ZNRF3: variants seen among roughly 807,000 people sequenced by gnomAD.
ZNRF3 encodes zinc and ring finger 3.
ZNRF3 carries 23 observed loss-of-function variants against 72.5 expected under a neutral mutation model. The ratio of observed to expected loss-of-function variants is 0.32; its 90% CI spans 0.23 to 0.45. The LOEUF is 0.45. ZNRF3 is among the 20% of genes least tolerant of loss of function. The pLI is 1.00. For synonymous variants in ZNRF3, 610 were observed against 545.3 expected, an observed-to-expected ratio of 1.12 and a Z score of -1.65; for missense variants, 1,169 against 1,272.1, an observed-to-expected ratio of 0.92 and a Z score of 1.23.
intron 1 of ZNRF3, among the ~76,000 whole-genome samples, chr22:28,895,215 AGC>A (rs1737734737): frequency 1.3e-5 from 2 of 152,226 alleles, no homozygotes; most frequent in Non-Finnish European, 2.9e-5. Flanking sequence ...AGGAAGGCCC[AGC>A]TACCCTTGAT....
chr22:29,021,319 C>T (rs184360849), intron 2 of ZNRF3, among the ~76,000 whole-genome samples: 10 of 152,136 alleles, frequency 6.6e-5, no homozygotes, highest in Admixed American at 4.6e-4. Context: ...TTATGTTGCT[C>T]GATCTGCATA....
chr22:28,910,689 A>G (rs955818902), intron 1 of ZNRF3, among the ~76,000 whole-genome samples: 1 of 152,226 alleles, frequency 6.6e-6, no homozygotes, highest in Non-Finnish European at 1.5e-5. Flanking sequence ...TGGGAAAGTC[A>G]GATGTGTCCC....
rs1376464189 is a variant in ZNRF3, at chr22:28,944,959, A to AAATAAATAAAT, written c.301-42112_301-42111insATAAATAATAA. Reference sequence around the variant, plus strand: ...TAAATAAATAAATAAATAAATAAATAAATAATAATAATACTCATACTCCTT... The same window carrying AAATAAATAAAT: ...TAAATAAATAAATAAATAAATAAATAAATAAATAAATAATAATAATAATACTCATACTCCTT... On this transcript the variant is annotated intron_variant, in intron 1 of 8. Transcript: ENST00000544604. Among the ~76,000 whole-genome samples, 225 of 132,988 alleles carry AAATAAATAAAT rather than the reference A, an allele frequency of 1.7e-3. 1 individual carries two copies. The highest frequency in any genetic ancestry group is 2.9e-3 in the Non-Finnish European group (169 of 58,952). The allele number at this position is 132,988 out of a possible 152,430, so 87.2% of individuals were successfully genotyped here. A position where few individuals can be genotyped will look rare whatever the true frequency, so the allele number is the denominator to read the frequency against.
chr22:28,906,784 GATTTTT>G (rs2034215931), intron 1 of ZNRF3, among the ~76,000 whole-genome samples: 1 of 152,106 alleles, frequency 6.6e-6, no homozygotes, highest in South Asian at 2.1e-4. Flanking sequence ...CACTGGCTTG[GATTTTT>G]ATTTTCTTTC....
intron 1 of ZNRF3, among the ~76,000 whole-genome samples, chr22:28,893,654 C>T (rs933036619): frequency 2.6e-4 from 39 of 152,230 alleles, no homozygotes; most frequent in East Asian, 1.9e-4. Flanking sequence ...CACATCACCA[C>T]ATCCAGCTAA....
intron 1 of ZNRF3, among the ~76,000 whole-genome samples, chr22:28,952,063 C>T (rs1165979472): frequency 6.6e-6 from 1 of 152,214 alleles, no homozygotes; most frequent in Non-Finnish European, 1.5e-5. Flanking sequence ...TCCATGGGAC[C>T]CTCCTGCGGG....
chr22:29,018,074 TGGGAG>T (rs1427604927), intron 2 of ZNRF3: 6 of 518,174 alleles, frequency 1.2e-5, no homozygotes, highest in Non-Finnish European at 2.3e-5. Flanking sequence ...GCAGATAGTG[TGGGAG>T]GGGAGGGCGG....
chr22:28,927,114 A>G (rs1352597868), intron 1 of ZNRF3, among the ~76,000 whole-genome samples: 2 of 152,172 alleles, frequency 1.3e-5, no homozygotes, highest in African/African-American at 4.8e-5. Flanking sequence ...TCAAAAAAAA[A>G]AAAAAGTGAA....
chr22:28,999,449 C>G (rs1246069335), intron 2 of ZNRF3, among the ~76,000 whole-genome samples: 1 of 152,172 alleles, frequency 6.6e-6, no homozygotes. Context: ...GTACTCTAGT[C>G]TGGGTGATAG....
At chr22:29,040,408 T>A (rs1210986492) in intron 2 of ZNRF3, among the ~76,000 whole-genome samples, 2 of 152,124 alleles carry the variant, frequency 1.3e-5, no homozygotes, top group Admixed American at 6.5e-5. Context: ...CTGGAACTCC[T>A]GACCTCAGGT....
At chr22:29,016,033 A>AC (rs1450244365) in intron 2 of ZNRF3, among the ~76,000 whole-genome samples, 5 of 149,324 alleles carry the variant, frequency 3.3e-5, no homozygotes, top group African/African-American at 7.6e-5. Context: ...AAAAAAACAA[A>AC]AAAACTGAAA....
At chr22:28,908,403 A>T (rs1263541564) in intron 1 of ZNRF3, among the ~76,000 whole-genome samples, 1 of 152,116 alleles carries the variant, frequency 6.6e-6, no homozygotes, top group Non-Finnish European at 1.5e-5. Flanking sequence ...ATCTAGAAAC[A>T]CATCTTGAAC....
chr22:29,049,768 C>G lies in ZNRF3; in HGVS notation c.1587C>G (p.Phe529Leu). ...TGGAGAGCGGCAGCACGTCCAGCTT[C>G]AGCTGCTATCACGGCCACCGCTCGG... ...SHLESGSTSS[F>L]SCYHGHRSVC... Residue 529 changes from phenylalanine to leucine, a missense_variant, in exon 8 of 9, where the codon TTC (phenylalanine) becomes TTG (leucine). Phe to Leu is a conservative substitution (Grantham distance 22, BLOSUM62 0). Around this residue, in one of 2 missense-constraint regions of ZNRF3, gnomAD observed 783 missense variants for 731.4 expected, o/e 1.07. Transcript: ENST00000544604. This position sits in a 1 kb window ranked among gnomAD's most constrained non-coding sequence, Gnocchi z 5.2. 1.9e-6 allele frequency: 3 copies of G among 1,596,940 alleles called. No individual in the cohort carries two copies. The highest frequency in any genetic ancestry group is 8.5e-7 in the Non-Finnish European group (1 of 1,169,894).
At chr22:29,036,507 G>A (rs953068615) in intron 2 of ZNRF3, among the ~76,000 whole-genome samples, 1 of 152,154 alleles carries the variant, frequency 6.6e-6, no homozygotes, top group African/African-American at 2.4e-5. Flanking sequence ...CTTCCACCCA[G>A]CTCATCAACA....
intron 1 of ZNRF3, among the ~76,000 whole-genome samples, chr22:28,931,057 G>T (rs372193477): frequency 1.3e-5 from 2 of 152,216 alleles, no homozygotes; most frequent in African/African-American, 4.8e-5. Context: ...ATGCTTTGAT[G>T]TGTATACAAA....
intron 2 of ZNRF3, among the ~76,000 whole-genome samples, chr22:29,004,963 G>T (rs949074808): frequency 6.6e-6 from 1 of 152,218 alleles, no homozygotes; most frequent in Non-Finnish European, 1.5e-5. Flanking sequence ...CCAGGGAGCC[G>T]CTCAGTTCCT....
chr22:29,001,620 C>T (rs188891234), intron 2 of ZNRF3, among the ~76,000 whole-genome samples: 135 of 152,204 alleles, frequency 8.9e-4, no homozygotes, highest in Admixed American at 5.0e-3. Context: ...TATAGGCACA[C>T]GCCATCACGC....
At chr22:28,895,201 A>G (rs2033968451) in intron 1 of ZNRF3, among the ~76,000 whole-genome samples, 1 of 152,158 alleles carries the variant, frequency 6.6e-6, no homozygotes, top group South Asian at 2.1e-4. Flanking sequence ...AAGTTATGCT[A>G]CTGAGGAAGG....
chr22:28,939,140 C>T (rs1161692224), intron 1 of ZNRF3, among the ~76,000 whole-genome samples: 3 of 152,100 alleles, frequency 2.0e-5, no homozygotes. Flanking sequence ...CCAAAATTAG[C>T]TGGGATAGTG....
Sources: gnomAD v4.1 joint callset for allele counts (sites outside exome capture counted in the v4.1 genomes callset) on GRCh38, gnomAD v4.1.1 for gene constraint, gnomAD v4.1.1 regional missense constraint, Gnocchi (gnomAD v3.1) non-coding constraint, MANE v1.5 for transcripts, NCBI Gene and HGNC (gene_info 2026-07-23, HGNC 2026-07-21) for gene names.